Variants in LRRC28 observed in about 807,000 individuals in gnomAD.
LRRC28 encodes the protein leucine-rich repeat-containing protein 28.
LRRC28 carries 39 observed loss-of-function variants against 45.7 expected under a neutral mutation model. The ratio of observed to expected loss-of-function variants is 0.85; its 90% CI spans 0.66 to 1.12. The LOEUF is 1.12. Among genes scored for constraint, LRRC28 ranks in the 50% most tolerant of loss-of-function variants. LRRC28 has a pLI of 0.00. For missense variants in LRRC28, 435 were observed against 438.5 expected, an observed-to-expected ratio of 0.99 and a Z score of 0.07; for synonymous variants, 206 against 178.8, an observed-to-expected ratio of 1.15 and a Z score of -1.22.
chr15:99,309,315 T>C (rs1189758816), intron 5 of LRRC28, among the ~76,000 whole-genome samples: 1 of 152,238 alleles, frequency 6.6e-6, no homozygotes. Context: ...GATCTGACTT[T>C]CCACTCCTGA....
rs1555549867 is a variant in LRRC28, at chr15:99,258,592, A to G, written c.168+2467A>G. ...GAAAAACAGAAACCAAAGACTAAAA[A>G]AGTTGAAAAAACTGTCTGTGAATGG... On this transcript the variant is annotated intron_variant, in intron 2 of 9. Transcript: ENST00000301981. The G allele has an allele frequency of 4.0e-6, 3 of 750,238 alleles. No individual in the cohort carries two copies. The South Asian group carries it at 4.2e-5, about 11-fold the overall frequency. 46.5% of individuals were successfully genotyped at this position (750,238 alleles called of 1,614,324 possible). A position where few individuals can be genotyped will look rare whatever the true frequency, so the allele number is the denominator to read the frequency against.
intron 9 of LRRC28, among the ~76,000 whole-genome samples, chr15:99,376,350 A>G (rs1438788792): frequency 1.3e-5 from 2 of 152,146 alleles, no homozygotes; most frequent in African/African-American, 4.8e-5. Context: ...AACATACTCT[A>G]TGATTTTTCC....
At position 99,390,564 on chromosome 15, in the gene LRRC28, T is replaced by C. The variant is rs1487036249; in HGVS notation, c.*4462T>C. The C allele has an allele frequency of 1.3e-5, 2 of 152,238 alleles. No individual in the cohort carries two copies. The highest frequency in any genetic ancestry group is 2.4e-5 in the African/African-American group (1 of 41,470). 9.4% of individuals were successfully genotyped at this position (152,238 alleles called of 1,614,324 possible). On this transcript the variant is annotated 3_prime_UTR_variant, in exon 10 of 10. Coordinates refer to ENST00000301981, the MANE Select transcript of LRRC28 (RefSeq NM_144598.5). The stretch of plus-strand genomic sequence containing the variant: ...TGAAATCCAGGCCTCTGAAAAATTA[T>C]GGCAACATTCATTTGGAGTGTGGCT...
chr15:99,380,681 C>G (rs1394641244), intron 9 of LRRC28, among the ~76,000 whole-genome samples: 1 of 152,168 alleles, frequency 6.6e-6, no homozygotes, highest in African/African-American at 2.4e-5. Context: ...CCAGTTGTTC[C>G]TGTCCATGTT....
At chr15:99,320,677 C>T (rs1955764862) in intron 5 of LRRC28, 1 of 152,172 alleles carries the variant, frequency 6.6e-6, no homozygotes. Flanking sequence ...CCCCTTCAGA[C>T]TTACTGGATC....
At chr15:99,285,516 C>T in intron 3 of LRRC28, 1 of 1,081,784 alleles carries the variant, frequency 9.2e-7, no homozygotes, top group Non-Finnish European at 1.4e-6. Flanking sequence ...TTTCAAAGCT[C>T]AGGCCTCCAA....
intron 1 of LRRC28, among the ~76,000 whole-genome samples, chr15:99,255,539 G>T (rs1205853265): frequency 6.6e-6 from 1 of 152,058 alleles, no homozygotes. Context: ...GTTCATAAAA[G>T]AAATGGGGTT....
intron 2 of LRRC28, among the ~76,000 whole-genome samples, chr15:99,268,769 C>G (rs2081397076): frequency 6.6e-6 from 1 of 152,064 alleles, no homozygotes; most frequent in African/African-American, 2.4e-5. Context: ...GTTTGGTATT[C>G]TATTTTTGTG....
At chr15:99,303,933 A>G (rs893586754) in intron 5 of LRRC28, among the ~76,000 whole-genome samples, 1 of 152,130 alleles carries the variant, frequency 6.6e-6, no homozygotes, top group African/African-American at 2.4e-5. Flanking sequence ...TAATTTATGT[A>G]TGTGTTTATA....
At chr15:99,256,347 TACTC>T (rs1023267807) in intron 2 of LRRC28, 4 of 371,728 alleles carry the variant, frequency 1.1e-5, no homozygotes, top group African/African-American at 8.4e-5. Context: ...GAAAGCAAAA[TACTC>T]ACTGATGTAT....
At chr15:99,333,839 G>T in intron 5 of LRRC28, 84 bp from the exon 6 acceptor site, 2 of 1,373,344 alleles carry the variant, frequency 1.5e-6, no homozygotes, top group South Asian at 1.2e-5. Flanking sequence ...GATTTCATTT[G>T]GTTAAACTGT....
intron 6 of LRRC28, among the ~76,000 whole-genome samples, chr15:99,339,470 C>T (rs1183978468): frequency 2.0e-5 from 3 of 152,194 alleles, no homozygotes; most frequent in Non-Finnish European, 4.4e-5. Flanking sequence ...GTGGCTCACG[C>T]CTGTAATCCC....
At chr15:99,377,179 C>T (rs1264056065) in intron 9 of LRRC28, among the ~76,000 whole-genome samples, 1 of 151,514 alleles carries the variant, frequency 6.6e-6, no homozygotes, top group African/African-American at 2.5e-5. Context: ...AAAAGTATTC[C>T]TATTTCTCCA....
intron 6 of LRRC28, among the ~76,000 whole-genome samples, chr15:99,335,497 A>T (rs1038597480): frequency 5.3e-5 from 8 of 152,168 alleles, no homozygotes; most frequent in African/African-American, 1.9e-4. Context: ...GACTTAAAAA[A>T]TTTTTATTCT....
At chr15:99,330,587 C>T (rs905097056) in intron 5 of LRRC28, among the ~76,000 whole-genome samples, 1 of 151,980 alleles carries the variant, frequency 6.6e-6, no homozygotes, top group African/African-American at 2.4e-5. Flanking sequence ...TTTTCCCATC[C>T]TTTTACTTTT....
At chr15:99,381,475 G>A (rs944722600) in intron 9 of LRRC28, among the ~76,000 whole-genome samples, 15 of 152,144 alleles carry the variant, frequency 9.9e-5, no homozygotes, top group Non-Finnish European at 1.6e-4. Flanking sequence ...CGATGGGTTC[G>A]AACTTCCTCC....
intron 8 of LRRC28, 121 bp from the exon 9 acceptor site, chr15:99,362,985 A>G (rs955189364): frequency 9.8e-6 from 11 of 1,123,692 alleles, no homozygotes; most frequent in Admixed American, 2.4e-5. Context: ...CAGATAACAG[A>G]ATTTTCAACA....
rs1354455108 is a variant in LRRC28 at position 99,389,833 on chromosome 15, T to C, written c.*3731T>C. 1.3e-5 allele frequency: 2 copies of C among 152,186 alleles called. No individual in the cohort carries two copies. The highest frequency in any genetic ancestry group is 4.8e-5 in the African/African-American group (2 of 41,442). 9.4% of individuals were successfully genotyped at this position (152,186 alleles called of 1,614,324 possible). ...AACTAGCTCTATGTCTATCTAAAAA[T>C]CAAGTCTCGGCAGTGGCTCATGCCT... On this transcript the variant is annotated 3_prime_UTR_variant, in exon 10 of 10. Coordinates refer to ENST00000301981, the MANE Select transcript of LRRC28 (RefSeq NM_144598.5).
chr15:99,260,818 C>T (rs1041943264), intron 2 of LRRC28, among the ~76,000 whole-genome samples: 3 of 152,120 alleles, frequency 2.0e-5, no homozygotes, highest in Admixed American at 6.5e-5. Flanking sequence ...TAGAGTATCT[C>T]GAATATGTTA....
Sources: gnomAD v4.1 joint callset for allele counts (sites outside exome capture counted in the v4.1 genomes callset) on GRCh38, gnomAD v4.1.1 for gene constraint, MANE v1.5 for transcripts, NCBI Gene and HGNC (gene_info 2026-07-23, HGNC 2026-07-21) for gene names.